The following ZFHX3 variants were observed in gnomAD, a reference collection of about 807,000 sequenced individuals.
ZFHX3 encodes the protein zinc finger homeobox protein 3.
ZFHX3 carries 42 observed loss-of-function variants against 279.1 expected under a neutral mutation model. The ratio of observed to expected loss-of-function variants is 0.15; its 90% CI spans 0.12 to 0.19. The LOEUF is 0.19. Ranked by LOEUF, ZFHX3 falls within the 10% of genes least tolerant of loss-of-function variation. The pLI is 1.00. For synonymous variants in ZFHX3, 2,293 were observed against 1,957.8 expected (o/e 1.17, Z -4.52); for missense variants, 4,981 against 4,754.0 (o/e 1.05, Z -1.40).
intron 4 of ZFHX3, among the ~76,000 whole-genome samples, chr16:73,305,898 A>G (rs1033215428): frequency 1.3e-5 from 2 of 152,208 alleles, no homozygotes; most frequent in African/African-American, 2.4e-5. Flanking sequence ...TTCTCTGTGC[A>G]TGGAGAGCCA....
At chr16:72,989,727 G>C (rs1484862440) in intron 1 of ZFHX3, among the ~76,000 whole-genome samples, 1 of 152,206 alleles carries the variant, frequency 6.6e-6, no homozygotes, top group East Asian at 1.9e-4. Context: ...GCAGCACACA[G>C]AGTTCTACAG....
rs368456404 is a variant in ZFHX3, at chr16:72,811,566, G to A, written c.3864+11C>T. 33 of 1,570,834 alleles carry A rather than the reference G, an allele frequency of 2.1e-5. No homozygotes were observed. Among genetic ancestry groups the A allele is most frequent in the Non-Finnish European group, 2.7e-5 (31 of 1,154,388 alleles). On this transcript the variant is annotated intron_variant, in intron 7 of 9. Coordinates refer to ENST00000268489, the MANE Select transcript of ZFHX3 (RefSeq NM_006885.4). ...AGAAAGACCACAGGGTGCTGCTCCT[G>A]GCTGCCTTACCGTCATAATGAGCTT...
chr16:73,866,636 T>C (rs531881487), intron 1 of ZFHX3, among the ~76,000 whole-genome samples: 21 of 152,356 alleles, frequency 1.4e-4, no homozygotes, highest in African/African-American at 4.8e-4. Context: ...AATGTATTTA[T>C]CTGTCCGGAA....
In ZFHX3 at chr16:72,787,619, G is replaced by A. The variant is rs1391510960; in HGVS notation, c.10657C>T (p.His3553Tyr). Residue 3553 changes from histidine (H) to tyrosine (Y), a missense_variant, in exon 10 of 10, where the codon CAC (histidine) becomes TAC (tyrosine). Coordinates refer to ENST00000268489, the MANE Select transcript of ZFHX3 (RefSeq NM_006885.4). ...GCTCTCGTGATTGTTCTGTGTTTGT[G>A]CAAGGCCGACTCGAGATGTTGACTC... ...ALSQHLESAL[H>Y]KHRTITRAAR... The A allele has an allele frequency of 6.2e-7, 1 of 1,613,462 alleles. No individual in the cohort carries two copies. Among genetic ancestry groups the A allele is most frequent in the Non-Finnish European group, 8.5e-7 (1 of 1,179,706 alleles).
intron 2 of ZFHX3, among the ~76,000 whole-genome samples, chr16:73,590,128 C>T (rs540935300): frequency 6.6e-6 from 1 of 152,220 alleles, no homozygotes; most frequent in East Asian, 1.9e-4. Context: ...GACCAGCAGA[C>T]GTAGAGGTGA....
chr16:72,877,604 G>C (rs539541855), intron 4 of ZFHX3, among the ~76,000 whole-genome samples: 4 of 152,290 alleles, frequency 2.6e-5, no homozygotes, highest in Non-Finnish European at 5.9e-5. Flanking sequence ...TCGTCCTCAA[G>C]TTAAAAGGAC....
At chr16:73,117,720 A>G (rs900359568) in intron 7 of ZFHX3, among the ~76,000 whole-genome samples, 2 of 152,226 alleles carry the variant, frequency 1.3e-5, no homozygotes, top group Non-Finnish European at 2.9e-5. Context: ...AACCCCTAAT[A>G]TGATGGTATT....
intron 1 of ZFHX3, among the ~76,000 whole-genome samples, chr16:73,036,266 G>GTCTCAT (rs1274498506): frequency 6.6e-6 from 1 of 152,192 alleles, no homozygotes. Flanking sequence ...CACAAGGCCA[G>GTCTCAT]TCTCATTTCT....
At chr16:73,560,650 T>C (rs4309430) in intron 2 of ZFHX3, among the ~76,000 whole-genome samples, 6,404 of 152,272 alleles carry the variant, frequency 0.042, 252 homozygotes, top group East Asian at 0.14. Context: ...GACTGGGGAT[T>C]CAGCAGCAGG....
At chr16:72,902,934 A>C (rs1256605323) in intron 3 of ZFHX3, among the ~76,000 whole-genome samples, 1 of 152,188 alleles carries the variant, frequency 6.6e-6, no homozygotes, top group Admixed American at 6.5e-5. Flanking sequence ...CTGATGTCCA[A>C]GTTTCTGAGG....
chr16:73,624,511 C>G (rs1450123032), intron 2 of ZFHX3, among the ~76,000 whole-genome samples: 1 of 152,038 alleles, frequency 6.6e-6, no homozygotes, highest in Non-Finnish European at 1.5e-5. Context: ...AGAGAGAAAG[C>G]AGCCCTAAGC....
At chr16:73,658,427 C>T (rs555590509) in intron 2 of ZFHX3, among the ~76,000 whole-genome samples, 9 of 152,090 alleles carry the variant, frequency 5.9e-5, no homozygotes, top group Non-Finnish European at 2.9e-5. Flanking sequence ...CTCAGCCTCC[C>T]GAGTAGCTGG....
intron 2 of ZFHX3, among the ~76,000 whole-genome samples, chr16:73,592,813 G>C (rs944549178): frequency 3.5e-4 from 53 of 151,510 alleles, no homozygotes; most frequent in African/African-American, 1.3e-3. Context: ...AAAAAACGCA[G>C]AGGAATAATT....
intron 9 of ZFHX3, chr16:72,790,948 T>G (rs2035673370): frequency 6.6e-6 from 1 of 152,216 alleles, no homozygotes; most frequent in Admixed American, 6.5e-5. Context: ...AAGAAACGTT[T>G]ACGAATCTCT....
chr16:73,292,420 C>T (rs1436588383), intron 4 of ZFHX3, among the ~76,000 whole-genome samples: 1 of 152,142 alleles, frequency 6.6e-6, no homozygotes, highest in Admixed American at 6.5e-5. Context: ...GCTTTAACTT[C>T]CAGCCCAAAT....
At chr16:72,991,999 T>G (rs568871957) in intron 1 of ZFHX3, among the ~76,000 whole-genome samples, 2 of 152,096 alleles carry the variant, frequency 1.3e-5, no homozygotes, top group Non-Finnish European at 2.9e-5. Context: ...GTAAAGCAAA[T>G]AATACAGTAT....
chr16:73,149,243 TTTATA>T (rs10594891), intron 5 of ZFHX3, among the ~76,000 whole-genome samples: 42,339 of 147,384 alleles, frequency 0.29, 6,564 homozygotes, highest in Admixed American at 0.43. Context: ...ATTACTATAT[TTTATA>T]TTATATTATA....
intron 5 of ZFHX3, chr16:73,144,350 T>C (rs988668925): frequency 2.0e-5 from 3 of 152,944 alleles, no homozygotes; most frequent in African/African-American, 7.2e-5. Context: ...CTGCGGTGAG[T>C]TGGCTGCCGA....
At chr16:72,891,661 A>C (rs557067450) in intron 3 of ZFHX3, among the ~76,000 whole-genome samples, 1 of 152,334 alleles carries the variant, frequency 6.6e-6, no homozygotes, top group East Asian at 1.9e-4. Context: ...AGAGATGTAG[A>C]AGCTGAGGCT....
Sources: allele counts gnomAD v4.1 joint callset (sites outside exome capture counted in the v4.1 genomes callset), GRCh38; gene constraint gnomAD v4.1.1; transcripts MANE v1.5; gene names NCBI Gene and HGNC (gene_info 2026-07-23, HGNC 2026-07-21).